Variants in RAB27A observed in about 807,000 individuals in gnomAD.
RAB27A encodes ras-related protein Rab-27A.
RAB27A carries 17 observed loss-of-function variants against 20.8 expected under a neutral mutation model. The observed-to-expected ratio is 0.82, with a 90% confidence interval of 0.56 to 1.23. The LOEUF is 1.23. Among genes scored for constraint, RAB27A ranks in the 50% most tolerant of loss-of-function variants. RAB27A has a pLI of 0.00. For missense variants in RAB27A, 277 were observed against 266.7 expected (o/e 1.04, Z -0.27); for synonymous variants, 85 against 92.8 (o/e 0.92, Z 0.48).
chr15:55,246,350 C>T (rs1403185560), intron 2 of RAB27A, among the ~76,000 whole-genome samples: 2 of 151,972 alleles, frequency 1.3e-5, no homozygotes, highest in East Asian at 1.9e-4. Context: ...AAACAAGAGG[C>T]GTTGAAATGA....
intron 2 of RAB27A, among the ~76,000 whole-genome samples, chr15:55,313,699 C>G (rs2055030556): frequency 1.3e-5 from 2 of 152,172 alleles, no homozygotes; most frequent in African/African-American, 2.4e-5. Context: ...CAGGGTGAAA[C>G]CCCGTCTCCA....
chr15:55,241,600 T>TTTTA (rs1388634936), intron 2 of RAB27A, among the ~76,000 whole-genome samples: 2 of 123,898 alleles, frequency 1.6e-5, no homozygotes, highest in Admixed American at 7.6e-5. Flanking sequence ...CAAGACCTAT[T>TTTTA]TATATATATA....
chr15:55,218,985 A>T (rs960160191), intron 6 of RAB27A, among the ~76,000 whole-genome samples: 2 of 151,892 alleles, frequency 1.3e-5, no homozygotes, highest in African/African-American at 4.8e-5. Flanking sequence ...CAGGTGATCC[A>T]CCCACCTCAA....
In RAB27A at chr15:55,228,206, T is replaced by A. The variant is rs140458569; in HGVS notation, c.343+403A>T. On this transcript the variant is annotated intron_variant, in intron 5 of 6. Transcript: ENST00000336787. ...ATTAAGTCTTTAAAAGCTATCTGCA[T>A]CTATGTAATACCCATTTAATGTCCA... Among the ~76,000 whole-genome samples, 270 of 152,310 alleles carry A rather than the reference T, an allele frequency of 1.8e-3. 3 individuals are homozygous for A. The highest frequency in any genetic ancestry group is 2.8e-3 in the Non-Finnish European group (193 of 68,028).
rs75264523 is a variant in RAB27A at position 55,276,333 on chromosome 15, T to C, written c.-142-6049A>G. ...TGTGACAATACAGATAGGTGGAAGATATTATACTAAGTTAAATAAGCCAGA... is the reference window on the plus strand; with the variant it reads ...TGTGACAATACAGATAGGTGGAAGACATTATACTAAGTTAAATAAGCCAGA... On this transcript the variant is annotated intron_variant, in intron 1 of 6. Transcript: ENST00000336787. Among the ~76,000 whole-genome samples, 797 of 152,316 alleles carry C rather than the reference T, an allele frequency of 5.2e-3. 15 individuals are homozygous for C. Among genetic ancestry groups the C allele is most frequent in the African/African-American group, 0.018 (733 of 41,566 alleles).
At chr15:55,218,141 T>C (rs777274571) in intron 6 of RAB27A, among the ~76,000 whole-genome samples, 1 of 152,240 alleles carries the variant, frequency 6.6e-6, no homozygotes, top group South Asian at 2.1e-4. Context: ...GCTGTAGATA[T>C]TTGGCTCACA....
In RAB27A at chr15:55,204,574, A is replaced by G. The variant is rs1253610150; in HGVS notation, c.*933T>C. 4 of 152,222 alleles carry G rather than the reference A, an allele frequency of 2.6e-5. No individual in the cohort carries two copies. The highest frequency in any genetic ancestry group is 9.6e-5 in the African/African-American group (4 of 41,468). The allele number at this position is 152,222 out of a possible 1,614,324, so 9.4% of individuals were successfully genotyped here. On this transcript the variant is annotated 3_prime_UTR_variant, in exon 7 of 7. Transcript: ENST00000336787. ...TGGTAAAGATAGAGATGAGTAAGTT[A>G]TAAGCTAATAAAGCTGCAGCCTGAG...
At chr15:55,261,709 C>CAAAA (rs768256540) in intron 2 of RAB27A, among the ~76,000 whole-genome samples, 5 of 18,650 alleles carry the variant, frequency 2.7e-4, no homozygotes, top group East Asian at 2.1e-3. Flanking sequence ...CACTGCATCT[C>CAAAA]AAAAAAAAAA....
chr15:55,238,117 T>C (rs1303040044), intron 2 of RAB27A: 2 of 152,148 alleles, frequency 1.3e-5, no homozygotes, highest in Non-Finnish European at 2.9e-5. Context: ...TTAATCATAG[T>C]TTGCACTTTT....
intron 2 of RAB27A, among the ~76,000 whole-genome samples, chr15:55,239,431 T>G (rs962710590): frequency 1.2e-4 from 18 of 152,198 alleles, no homozygotes; most frequent in African/African-American, 3.6e-4. Context: ...TTAAATTACC[T>G]CATTTGTAGA....
rs1895692586 is a variant in RAB27A, at chr15:55,223,934, C to A, written c.422G>T (p.Arg141Ile). The change falls in exon 6 of 7, where the codon AGA becomes ATA. Residue 141 changes from arginine (R) to isoleucine (I), a missense_variant. Transcript: ENST00000336787. ...TATGGCTTCCTCCTCTTTCACTACT[C>A]TCTGGTCCTCCAGATCACTCTTGTT... The part of the protein sequence containing the change: ...CGNKSDLEDQ[R>I]VVKEEEAIAL... 1 of 1,613,984 alleles carries A rather than the reference C, an allele frequency of 6.2e-7. No individual in the cohort carries two copies. Among genetic ancestry groups the A allele is most frequent in the Non-Finnish European group, 8.5e-7 (1 of 1,179,920 alleles).
upstream of RAB27A, among the ~76,000 whole-genome samples, chr15:55,291,365 C>T (rs538509759): frequency 9.2e-4 from 140 of 152,104 alleles, no homozygotes; most frequent in Non-Finnish European, 1.8e-3. Flanking sequence ...AAAAAATTAG[C>T]AGGGCGTCGT....
chr15:55,259,334 C>G (rs138443591), intron 2 of RAB27A, among the ~76,000 whole-genome samples: 3 of 151,590 alleles, frequency 2.0e-5, no homozygotes, highest in Non-Finnish European at 4.4e-5. Context: ...CGGTCTCACT[C>G]CAGTGCAATG....
intron 2 of RAB27A, among the ~76,000 whole-genome samples, chr15:55,295,847 T>A (rs1323450541): frequency 6.6e-6 from 1 of 152,088 alleles, no homozygotes; most frequent in Non-Finnish European, 1.5e-5. Flanking sequence ...CCAAGACTAA[T>A]TTTTTGTGAT....
chr15:55,290,529 C>T (rs1422147144), upstream of RAB27A: 1 of 152,254 alleles, frequency 6.6e-6, no homozygotes, highest in African/African-American at 2.4e-5. Context: ...CTGTAAATTT[C>T]TAAGAGTGTT....
intron 6 of RAB27A, among the ~76,000 whole-genome samples, chr15:55,221,403 A>T (rs7183255): frequency 0.37 from 56,256 of 151,808 alleles, 13,899 homozygotes; most frequent in African/African-American, 0.71. Context: ...CTTCAACACT[A>T]CAGCATTCTC....
At chr15:55,207,922 C>G (rs1313687153) in intron 6 of RAB27A, among the ~76,000 whole-genome samples, 1 of 152,160 alleles carries the variant, frequency 6.6e-6, no homozygotes, top group Non-Finnish European at 1.5e-5. Flanking sequence ...TCCCAAAGTG[C>G]TGGGATAACA....
At chr15:55,259,977 G>C (rs1373897504) in intron 2 of RAB27A, 3 of 152,118 alleles carry the variant, frequency 2.0e-5, no homozygotes, top group Non-Finnish European at 1.5e-5. Context: ...AAACCATATG[G>C]GGATTCTTAT....
intron 1 of RAB27A, among the ~76,000 whole-genome samples, chr15:55,277,694 C>T (rs1287907744): frequency 6.6e-6 from 1 of 152,048 alleles, no homozygotes; most frequent in African/African-American, 2.4e-5. Flanking sequence ...AAAATGGGCA[C>T]CAAAAAATGT....
Sources: gnomAD v4.1 joint callset for allele counts (sites outside exome capture counted in the v4.1 genomes callset) on GRCh38, gnomAD v4.1.1 for gene constraint, MANE v1.5 for transcripts, NCBI Gene and HGNC (gene_info 2026-07-23, HGNC 2026-07-21) for gene names.